Variants in BRMS1L observed in about 807,000 individuals in gnomAD.
The protein encoded by BRMS1L is BRMS1 like transcriptional repressor, also known as breast cancer metastasis-suppressor 1-like protein.
In BRMS1L, 23 loss-of-function variants were observed where a neutral mutation model predicts 50.3. That is an observed-to-expected ratio of 0.46 (90% confidence interval 0.33 to 0.65). The LOEUF is 0.65. BRMS1L is among the 30% of genes least tolerant of loss of function. The pLI is 0.02. For synonymous variants in BRMS1L, 114 were observed against 126.9 expected, an observed-to-expected ratio of 0.90 and a Z score of 0.69; for missense variants, 286 against 386.1, an observed-to-expected ratio of 0.74 and a Z score of 2.17.
intron 7 of BRMS1L, among the ~76,000 whole-genome samples, chr14:35,865,342 T>C (rs1566430804): frequency 6.6e-6 from 1 of 152,200 alleles, no homozygotes; most frequent in Admixed American, 6.5e-5. Context: ...ACTTGATAAA[T>C]ATTTGTTGAA....
intron 4 of BRMS1L, among the ~76,000 whole-genome samples, chr14:35,857,297 GTGTGTA>G (rs1289936765): frequency 6.8e-6 from 1 of 146,444 alleles, no homozygotes; most frequent in Non-Finnish European, 1.5e-5. Context: ...GTGTGTGTGT[GTGTGTA>G]TATATATATA....
rs750852821 is a variant in BRMS1L at position 35,833,100 on chromosome 14, T to G, written c.356T>G (p.Val119Gly). ...GAAAATATGCAAATTCGTACAAAGG[T>G]AGCAGGTAGGAAAGTGAAGAATCTT... The part of the protein sequence containing the change: ...LQENMQIRTK[V>G]AGIYRELCLE... The change falls in exon 3 of 10, where the codon GTA becomes GGA. Residue 119 changes from valine (V) to glycine (G), a missense_variant. Val to Gly is a moderately radical substitution (Grantham distance 109, BLOSUM62 -3). Around this residue, in one of 5 missense-constraint regions of BRMS1L, gnomAD observed 160 missense variants for 240.6 expected, o/e 0.66. Coordinates refer to ENST00000216807, the MANE Select transcript of BRMS1L (RefSeq NM_032352.4). The G allele has an allele frequency of 6.2e-7, 1 of 1,611,154 alleles. No individual in the cohort carries two copies. The highest frequency in any genetic ancestry group is 8.5e-7 in the Non-Finnish European group (1 of 1,178,258).
At chr14:35,837,888 T>A (rs973619072) in intron 4 of BRMS1L, among the ~76,000 whole-genome samples, 1 of 152,116 alleles carries the variant, frequency 6.6e-6, no homozygotes, top group African/African-American at 2.4e-5. Context: ...TTTAAAAAAA[T>A]TATACTTCAA....
In BRMS1L at chr14:35,853,581, T is replaced by C. The variant is rs559066412; in HGVS notation, c.442-9009T>C. On this transcript the variant is annotated intron_variant, in intron 4 of 9. Coordinates refer to ENST00000216807, the MANE Select transcript of BRMS1L (RefSeq NM_032352.4). ...GGTGCAAACCATCACACCTGGCTAATTAAGAAAAAAAAAAAAAGTCTTTTT... is the reference window on the plus strand; with the variant it reads ...GGTGCAAACCATCACACCTGGCTAACTAAGAAAAAAAAAAAAAGTCTTTTT... Among the ~76,000 whole-genome samples the C allele has an allele frequency of 4.6e-5, 7 of 151,602 alleles. No individual in the cohort carries two copies. The East Asian group carries it at 1.4e-3, about 29-fold the overall frequency.
At chr14:35,847,202 C>T (rs935858790) in intron 4 of BRMS1L, among the ~76,000 whole-genome samples, 2 of 152,134 alleles carry the variant, frequency 1.3e-5, no homozygotes, top group Non-Finnish European at 1.5e-5. Context: ...TGGTCTCGAA[C>T]TCCTGGGCTC....
chr14:35,864,042 A>T, intron 6 of BRMS1L, 89 bp downstream of exon 6: 1 of 964,938 alleles, frequency 1.0e-6, no homozygotes, highest in African/African-American at 1.6e-5. Context: ...GTAAACACTG[A>T]CTTTATTTGC....
chr14:35,860,785 G>A (rs1212972572), intron 4 of BRMS1L, among the ~76,000 whole-genome samples: 1 of 152,142 alleles, frequency 6.6e-6, no homozygotes, highest in Non-Finnish European at 1.5e-5. Context: ...ACTTTCCTGG[G>A]GCTTTTTAAA....
At chr14:35,849,363 C>G (rs2078179009) in intron 4 of BRMS1L, among the ~76,000 whole-genome samples, 1 of 152,162 alleles carries the variant, frequency 6.6e-6, no homozygotes, top group South Asian at 2.1e-4. Context: ...TCATAGCTTA[C>G]TGCAGCCTCA....
At chr14:35,848,631 C>G (rs2078168102) in intron 4 of BRMS1L, among the ~76,000 whole-genome samples, 1 of 152,206 alleles carries the variant, frequency 6.6e-6, no homozygotes, top group Non-Finnish European at 1.5e-5. Context: ...TGCCCACTCC[C>G]ACATTTCCTG....
chr14:35,867,124 C>A (rs1013558753), intron 8 of BRMS1L, among the ~76,000 whole-genome samples: 5 of 152,026 alleles, frequency 3.3e-5, no homozygotes, highest in Non-Finnish European at 7.4e-5. Flanking sequence ...TGAATATACC[C>A]GATGGTATTT....
intron 4 of BRMS1L, among the ~76,000 whole-genome samples, chr14:35,855,716 A>G (rs1006002020): frequency 1.3e-5 from 2 of 152,164 alleles, no homozygotes; most frequent in East Asian, 3.8e-4. Context: ...TTATATAATT[A>G]ATCTGAAGAT....
In BRMS1L at chr14:35,826,562, G is replaced by A. The variant is rs1204013824; in HGVS notation, c.46G>A (p.Asp16Asn). The A allele has an allele frequency of 5.6e-6, 9 of 1,606,782 alleles. No homozygotes were observed. The highest frequency in any genetic ancestry group is 7.6e-6 in the Non-Finnish European group (9 of 1,177,292). Residue 16 changes from aspartate (D) to asparagine (N), a missense_variant, in exon 1 of 10, where the codon GAT (aspartate) becomes AAT (asparagine). Asp to Asn is a conservative substitution (Grantham distance 23). Around this residue, in one of 5 missense-constraint regions of BRMS1L, gnomAD observed 66 missense variants for 67.8 expected, o/e 0.97. Coordinates refer to ENST00000216807, the MANE Select transcript of BRMS1L (RefSeq NM_032352.4). ...RGDKKETNHH[D>N]EMEVDYAENE... ...GGATAAGAAGGAGACCAACCATCACGATGAGATGGAGGTGGACTACGCCGA... is the reference window on the plus strand; with the variant it reads ...GGATAAGAAGGAGACCAACCATCACAATGAGATGGAGGTGGACTACGCCGA...
intron 3 of BRMS1L, among the ~76,000 whole-genome samples, chr14:35,833,595 G>A (rs35244524): frequency 0.024 from 3,602 of 151,996 alleles, 127 homozygotes; most frequent in African/African-American, 0.08. Context: ...GATAAGTTTG[G>A]TTACTCATTT....
At position 35,826,623 on chromosome 14, in the gene BRMS1L, A is replaced by T. The variant is rs760748723; in HGVS notation, c.107A>T (p.Glu36Val). ...EGSSSEDEDT[E>V]SSSVSEDGDS... Reference sequence around the variant, plus strand: ...AGCAGCTCCGAGGACGAGGACACTGAGAGCTCGTCGGTCTCCGAGGATGGA... The same window carrying T: ...AGCAGCTCCGAGGACGAGGACACTGTGAGCTCGTCGGTCTCCGAGGATGGA... Residue 36 changes from glutamate to valine, a missense_variant, in exon 1 of 10, where the codon GAG (glutamate) becomes GTG (valine). This residue lies in a region of BRMS1L where 66 missense variants were observed against 67.8 expected (regional missense o/e 0.97). Coordinates refer to ENST00000216807, the MANE Select transcript of BRMS1L (RefSeq NM_032352.4). The T allele has an allele frequency of 6.2e-7, 1 of 1,612,546 alleles. No homozygotes were observed. Among genetic ancestry groups the T allele is most frequent in the South Asian group, 1.1e-5 (1 of 90,528 alleles).
intron 5 of BRMS1L, among the ~76,000 whole-genome samples, chr14:35,863,242 A>T (rs1271691529): frequency 6.6e-6 from 1 of 152,198 alleles, no homozygotes; most frequent in African/African-American, 2.4e-5. Context: ...AGTTATAGGG[A>T]GGTAGATTTT....
intron 8 of BRMS1L, chr14:35,866,003 T>A: frequency 2.3e-6 from 1 of 434,248 alleles, no homozygotes; most frequent in Non-Finnish European, 4.0e-6. Flanking sequence ...GATCAGTAAC[T>A]CAAAAAAGTA....
At chr14:35,857,291 G>T (rs1362457928) in intron 4 of BRMS1L, among the ~76,000 whole-genome samples, 3 of 146,222 alleles carry the variant, frequency 2.1e-5, no homozygotes, top group South Asian at 2.2e-4. Context: ...ATGTGTGTGT[G>T]TGTGTGTGTG....
In BRMS1L at chr14:35,865,766, G is replaced by A; in HGVS notation, c.727+5G>A. 2 of 1,601,734 alleles carry A rather than the reference G, an allele frequency of 1.2e-6. No homozygotes were observed. Among genetic ancestry groups the A allele is most frequent in the Non-Finnish European group, 1.7e-6 (2 of 1,176,398 alleles). The stretch of plus-strand genomic sequence containing the variant: ...CACACAGAGTGAAAACGGAACGTAA[G>A]TCATTTAGTCTGAGTTGGGAAATAT... On this transcript the variant is annotated splice_donor_5th_base_variant and intron_variant, in intron 8 of 9. Transcript: ENST00000216807.
chr14:35,869,397 A>G (rs2142067138), intron 9 of BRMS1L, among the ~76,000 whole-genome samples: 1 of 152,068 alleles, frequency 6.6e-6, no homozygotes, highest in South Asian at 2.1e-4. Flanking sequence ...CCATCTCTAC[A>G]AAGTAAAAAA....
Sources: allele counts gnomAD v4.1 joint callset (sites outside exome capture counted in the v4.1 genomes callset), GRCh38; gene constraint gnomAD v4.1.1; regional missense constraint gnomAD v4.1.1; transcripts MANE v1.5; gene names NCBI Gene and HGNC (gene_info 2026-07-23, HGNC 2026-07-21).